Variants in CSMD1 observed in about 807,000 individuals in gnomAD.
CSMD1 encodes CUB and Sushi multiple domains 1, also known as CUB and sushi domain-containing protein 1.
A neutral mutation model predicts 417.5 loss-of-function variants in CSMD1; 213 were observed. The observed-to-expected ratio is 0.51, with a 90% CI of 0.46 to 0.57. The LOEUF is 0.57. Among genes scored for constraint, CSMD1 ranks in the 20% least tolerant of loss-of-function variants. The probability of loss-of-function intolerance (pLI) is 0.00; values close to 1 mark genes in which losing one functional copy is unlikely to be tolerated. For synonymous variants in CSMD1, 2,862 were observed against 1,736.8 expected, an observed-to-expected ratio of 1.65 and a Z score of -16.11; for missense variants, 6,923 against 4,529.7, an observed-to-expected ratio of 1.53 and a Z score of -15.17.
At chr8:3,065,617 G>A (rs1812891366) in intron 49 of CSMD1, among the ~76,000 whole-genome samples, 1 of 152,144 alleles carries the variant, frequency 6.6e-6, no homozygotes, top group Non-Finnish European at 1.5e-5. Flanking sequence ...AAGATAGGAA[G>A]ATGATAGGAA....
chr8:3,694,460 A>C (rs1800437451), intron 7 of CSMD1, among the ~76,000 whole-genome samples: 1 of 152,124 alleles, frequency 6.6e-6, no homozygotes. Context: ...TGAGTCTGGG[A>C]AAGACGGCCA....
At chr8:4,818,760 A>G (rs1406161092) in intron 1 of CSMD1, among the ~76,000 whole-genome samples, 1 of 152,250 alleles carries the variant, frequency 6.6e-6, no homozygotes, top group East Asian at 1.9e-4. Flanking sequence ...TGATTATAAT[A>G]GCTACACATC....
chr8:3,780,530 T>C (rs1485963543), intron 5 of CSMD1, among the ~76,000 whole-genome samples: 2 of 152,164 alleles, frequency 1.3e-5, no homozygotes, highest in African/African-American at 4.8e-5. Flanking sequence ...TACTACTGAA[T>C]TGGATGGGTA....
In CSMD1 at chr8:3,385,080, A is replaced by C. The variant is rs866902263; in HGVS notation, c.2782+2414T>G. On this transcript the variant is annotated intron_variant, in intron 18 of 69. Transcript: ENST00000635120. ...ATATATAATATATAAATATATATAT[A>C]ATTTATATATAAAATATATATATAA... is the stretch of plus-strand genomic sequence containing the variant. Among the ~76,000 whole-genome samples the C allele has an allele frequency of 1.6e-3, 174 of 108,350 alleles. 1 individual carries two copies. The highest frequency in any genetic ancestry group is 6.8e-3 in the African/African-American group (168 of 24,598). The allele number at this position is 108,350 out of a possible 152,430, so 71.1% of individuals were successfully genotyped here.
At chr8:4,645,288 C>G (rs764831263) in intron 1 of CSMD1, among the ~76,000 whole-genome samples, 1 of 151,884 alleles carries the variant, frequency 6.6e-6, no homozygotes, top group African/African-American at 2.4e-5. Context: ...ATGTTGTTCC[C>G]TCTGCTGTTG....
chr8:2,967,108 G>A (rs867850324), intron 57 of CSMD1, among the ~76,000 whole-genome samples: 2 of 152,130 alleles, frequency 1.3e-5, no homozygotes, highest in Non-Finnish European at 2.9e-5. Context: ...CAGAATTGTT[G>A]TGATTTTTAA....
At chr8:3,839,232 ATTATATATACTATTAATATATATTAC>A (rs1319679047) in intron 5 of CSMD1, among the ~76,000 whole-genome samples, 2 of 125,380 alleles carry the variant, frequency 1.6e-5, no homozygotes, top group East Asian at 2.2e-4. Flanking sequence ...ATAATATATA[ATTATATATACTATTAATATATATTAC>A]TTATATATAC....
At chr8:3,947,994 T>A (rs1811352200) in intron 5 of CSMD1, among the ~76,000 whole-genome samples, 1 of 152,164 alleles carries the variant, frequency 6.6e-6, no homozygotes, top group Non-Finnish European at 1.5e-5. Flanking sequence ...TCACCTGAAG[T>A]CAGGTGTTCG....
chr8:4,881,662 T>C (rs1213024001), intron 1 of CSMD1, among the ~76,000 whole-genome samples: 1 of 151,884 alleles, frequency 6.6e-6, no homozygotes. Flanking sequence ...TTTAAATACA[T>C]AAAGAGTCTT....
At chr8:4,017,544 G>A (rs1301555521) in intron 4 of CSMD1, among the ~76,000 whole-genome samples, 1 of 152,148 alleles carries the variant, frequency 6.6e-6, no homozygotes, top group Admixed American at 6.5e-5. Flanking sequence ...GATCTCAGAT[G>A]ATCCACCCAC....
intron 21 of CSMD1, among the ~76,000 whole-genome samples, chr8:3,355,943 T>C (rs1278060284): frequency 5.9e-5 from 9 of 152,124 alleles, no homozygotes; most frequent in Non-Finnish European, 7.3e-5. Flanking sequence ...TGATACTATT[T>C]CTATCATCCT....
chr8:3,930,375 C>G lies in CSMD1; in HGVS notation c.818+67528G>C, dbSNP rs971084827. On this transcript the variant is annotated intron_variant, in intron 5 of 69. Coordinates refer to ENST00000635120, the MANE Select transcript of CSMD1 (RefSeq NM_033225.6). Reference sequence around the variant, plus strand: ...AAATCAATGTATTTTATGTTCTTAGCTCACACAACTTAGCCCTGGCATGCT... The same window carrying G: ...AAATCAATGTATTTTATGTTCTTAGGTCACACAACTTAGCCCTGGCATGCT... Among the ~76,000 whole-genome samples, 29 of 150,562 alleles carry G rather than the reference C, an allele frequency of 1.9e-4. 2 individuals are homozygous for G. Among genetic ancestry groups the G allele is most frequent in the Non-Finnish European group, 7.4e-5 (5 of 67,576 alleles).
At chr8:4,240,965 C>G (rs1802365108) in intron 3 of CSMD1, among the ~76,000 whole-genome samples, 1 of 152,110 alleles carries the variant, frequency 6.6e-6, no homozygotes, top group Non-Finnish European at 1.5e-5. Flanking sequence ...TCTAAATACC[C>G]TTTAAGTCTG....
At chr8:2,963,193 G>A (rs1253551466) in intron 60 of CSMD1, 29 bp downstream of exon 60, 1 of 1,611,732 alleles carries the variant, frequency 6.2e-7, no homozygotes, top group Admixed American at 1.7e-5. Context: ...ACCTGCAGTG[G>A]GCGGAACAAA....
intron 5 of CSMD1, among the ~76,000 whole-genome samples, chr8:3,908,783 A>G (rs536027998): frequency 6.6e-6 from 1 of 152,234 alleles, no homozygotes; most frequent in Non-Finnish European, 1.5e-5. Context: ...CATTAGGGGC[A>G]ATTCTGGATT....
rs139335756 is a variant in CSMD1 at position 4,643,369 on chromosome 8, C to G, written c.86-5811G>C. Among the ~76,000 whole-genome samples, 60 of 152,286 alleles carry G rather than the reference C, an allele frequency of 3.9e-4. 1 individual carries two copies. Among genetic ancestry groups the G allele is most frequent in the African/African-American group, 1.4e-3 (57 of 41,568 alleles). ...AAACGAGAACTTGATTACTTTCTGA[C>G]AGGCAGATTTTTGACCTCCAAAGCA... On this transcript the variant is annotated intron_variant, in intron 1 of 69. Coordinates refer to ENST00000635120, the MANE Select transcript of CSMD1 (RefSeq NM_033225.6).
intron 2 of CSMD1, among the ~76,000 whole-genome samples, chr8:4,448,925 A>C (rs932782016): frequency 6.6e-6 from 1 of 152,188 alleles, no homozygotes; most frequent in Non-Finnish European, 1.5e-5. Flanking sequence ...TTAAGTTCAA[A>C]ATTTCCAGAT....
intron 3 of CSMD1, among the ~76,000 whole-genome samples, chr8:4,139,633 G>C (rs1034479372): frequency 3.3e-5 from 5 of 151,170 alleles, no homozygotes; most frequent in Non-Finnish European, 7.3e-5. Flanking sequence ...ATTTGGAATA[G>C]TGGGACCAGC....
chr8:4,924,722 C>CAAAAAA (rs60827201), intron 1 of CSMD1, among the ~76,000 whole-genome samples: 8 of 62,352 alleles, frequency 1.3e-4, no homozygotes, highest in Admixed American at 2.3e-4. Context: ...AACTCCATCT[C>CAAAAAA]AAAAAAAAAA....
Sources: allele counts gnomAD v4.1 joint callset (sites outside exome capture counted in the v4.1 genomes callset), GRCh38; gene constraint gnomAD v4.1.1; transcripts MANE v1.5; gene names NCBI Gene and HGNC (gene_info 2026-07-23, HGNC 2026-07-21).